The following SP4 variants were observed in gnomAD, a reference collection of about 807,000 sequenced individuals.
SP4 encodes transcription factor Sp4.
Under a neutral mutation model 72.8 loss-of-function variants are expected in SP4, and 19 were observed. The observed-to-expected ratio is 0.26, with a 90% CI of 0.18 to 0.38. SP4 has a LOEUF of 0.38. Ranked by LOEUF, SP4 falls within the 10% of genes least tolerant of loss-of-function variation. SP4 has a pLI of 1.00. For synonymous variants in SP4, 395 were observed against 333.1 expected (o/e 1.19, Z -2.02); for missense variants, 1,008 against 926.3 (o/e 1.09, Z -1.14).
At chr7:21,445,172 T>A (rs973257555) in intron 3 of SP4, among the ~76,000 whole-genome samples, 4 of 152,150 alleles carry the variant, frequency 2.6e-5, no homozygotes, top group Non-Finnish European at 5.9e-5. Context: ...TTTTTCCCTT[T>A]CTTTTATTTT....
chr7:21,446,547 G>A (rs1237783387), intron 3 of SP4, among the ~76,000 whole-genome samples: 1 of 152,040 alleles, frequency 6.6e-6, no homozygotes. Flanking sequence ...CTTTTGTACA[G>A]TGAATGTATG....
chr7:21,488,125 G>A (rs1238499204), intron 5 of SP4, among the ~76,000 whole-genome samples: 2 of 152,222 alleles, frequency 1.3e-5, no homozygotes, highest in Non-Finnish European at 2.9e-5. Flanking sequence ...TCAGCCTCCT[G>A]GAGTGTTGGG....
chr7:21,460,889 A>G (rs149562962), intron 3 of SP4, among the ~76,000 whole-genome samples: 3,343 of 152,300 alleles, frequency 0.022, 48 homozygotes, highest in African/African-American at 0.04. Context: ...AGCTAGACAC[A>G]GAGTGCCGAT....
At chr7:21,480,661 C>A (rs965576445) in intron 4 of SP4, among the ~76,000 whole-genome samples, 1 of 152,116 alleles carries the variant, frequency 6.6e-6, no homozygotes, top group Non-Finnish European at 1.5e-5. Context: ...GTTTACTTTT[C>A]CCAAGAATCT....
At position 21,511,045 on chromosome 7, in the gene SP4, G is replaced by C; in HGVS notation, c.2131G>C (p.Glu711Gln). Residue 711 changes from glutamate (E) to glutamine (Q), a missense_variant, in exon 6 of 6, where the codon GAA becomes CAA. Physicochemically the swap from Glu to Gln is conservative, Grantham distance 29. Around this residue, in one of 3 missense-constraint regions of SP4, gnomAD observed 48 missense variants for 117.0 expected, o/e 0.41. Coordinates refer to ENST00000222584, the MANE Select transcript of SP4 (RefSeq NM_003112.5). ...AGGTGAAAAGAGATTTGAATGCCCG[G>C]AATGTTCTAAAAGGTTTATGCGGAG... ...HTGEKRFECP[E>Q]CSKRFMRSDH... The C allele has an allele frequency of 6.2e-7, 1 of 1,609,692 alleles. No homozygotes were observed. The highest frequency in any genetic ancestry group is 8.5e-7 in the Non-Finnish European group (1 of 1,176,702).
At chr7:21,428,591 G>A in intron 1 of SP4, 86 bp from the exon 2 acceptor site, 1 of 1,316,248 alleles carries the variant, frequency 7.6e-7, no homozygotes, top group Admixed American at 2.4e-5. Context: ...TCGGGGGGAG[G>A]GGGGAGAAGA....
chr7:21,438,629 G>C (rs1783128430), intron 3 of SP4, among the ~76,000 whole-genome samples: 1 of 152,022 alleles, frequency 6.6e-6, no homozygotes, highest in Non-Finnish European at 1.5e-5. Context: ...CGGTATAGTA[G>C]TCTCCTCTTA....
intron 3 of SP4, among the ~76,000 whole-genome samples, chr7:21,444,949 C>G (rs902763092): frequency 6.6e-6 from 1 of 152,078 alleles, no homozygotes; most frequent in Non-Finnish European, 1.5e-5. Context: ...GCTGAGTGCT[C>G]CACTCCTTGT....
chr7:21,459,819 C>G (rs1783896433), intron 3 of SP4, among the ~76,000 whole-genome samples: 1 of 152,144 alleles, frequency 6.6e-6, no homozygotes, highest in South Asian at 2.1e-4. Context: ...GGACTTATTC[C>G]TTAAATTCCT....
intron 5 of SP4, among the ~76,000 whole-genome samples, chr7:21,499,265 C>A (rs1377597235): frequency 6.6e-6 from 1 of 152,008 alleles, no homozygotes; most frequent in East Asian, 1.9e-4. Flanking sequence ...AAAAATGTCC[C>A]TTTAGTGGGT....
intron 5 of SP4, among the ~76,000 whole-genome samples, chr7:21,501,842 C>G (rs1435594851): frequency 6.6e-6 from 1 of 152,182 alleles, no homozygotes; most frequent in Non-Finnish European, 1.5e-5. Flanking sequence ...TAGCGCAAGC[C>G]TGTTTTCCCA....
At chr7:21,467,820 A>T (rs374281176) in intron 3 of SP4, among the ~76,000 whole-genome samples, 124 of 150,442 alleles carry the variant, frequency 8.2e-4, no homozygotes, top group Middle Eastern at 3.5e-3. Flanking sequence ...GTTTTGTATC[A>T]TAGAAATCAA....
intron 5 of SP4, among the ~76,000 whole-genome samples, chr7:21,510,639 G>A (rs1782117798): frequency 6.6e-6 from 1 of 152,172 alleles, no homozygotes; most frequent in Non-Finnish European, 1.5e-5. Flanking sequence ...ACCCAGGTTA[G>A]CAGTTTTGAA....
intron 3 of SP4, among the ~76,000 whole-genome samples, chr7:21,468,021 C>T (rs188097190): frequency 6.6e-6 from 1 of 152,076 alleles, no homozygotes; most frequent in Admixed American, 6.5e-5. Context: ...TTCAAATTTG[C>T]GGATCTGTCT....
intron 3 of SP4, among the ~76,000 whole-genome samples, chr7:21,438,597 T>C (rs921650040): frequency 6.6e-6 from 1 of 152,250 alleles, no homozygotes; most frequent in South Asian, 2.1e-4. Context: ...GACACTGAAT[T>C]TGTAGTTACG....
At chr7:21,471,056 ATAT>A in intron 3 of SP4, 1 of 534,758 alleles carries the variant, frequency 1.9e-6, no homozygotes, top group Non-Finnish European at 3.8e-6. Context: ...GATTCCAGCT[ATAT>A]TATTCAAATG....
rs1377747675 is a variant in SP4 at position 21,511,069 on chromosome 7, A to C, written c.2155A>C (p.Ser719Arg). ...CPECSKRFMR[S>R]DHLSKHVKTH... ...GGAATGTTCTAAAAGGTTTATGCGG[A>C]GTGATCATCTCTCCAAACATGTCAA... Residue 719 changes from serine to arginine, a missense_variant, in exon 6 of 6, where the codon AGT becomes CGT. Around this residue, in one of 3 missense-constraint regions of SP4, gnomAD observed 48 missense variants for 117.0 expected, o/e 0.41. Coordinates refer to ENST00000222584, the MANE Select transcript of SP4 (RefSeq NM_003112.5). 6.2e-7 allele frequency: 1 copy of C among 1,614,134 alleles called. No homozygotes were observed. Among genetic ancestry groups the C allele is most frequent in the Non-Finnish European group, 8.5e-7 (1 of 1,179,966 alleles).
intron 3 of SP4, among the ~76,000 whole-genome samples, chr7:21,431,266 T>C (rs567532393): frequency 6.3e-4 from 96 of 152,214 alleles, no homozygotes; most frequent in African/African-American, 2.2e-3. Context: ...TTTAATTCTG[T>C]GGTGTAATAA....
chr7:21,486,670 A>T (rs1209030530), intron 5 of SP4, among the ~76,000 whole-genome samples: 3 of 152,162 alleles, frequency 2.0e-5, no homozygotes, highest in Non-Finnish European at 4.4e-5. Flanking sequence ...TAATGTGATT[A>T]TCTCATTATT....
Sources: gnomAD v4.1 joint callset for allele counts (sites outside exome capture counted in the v4.1 genomes callset) on GRCh38, gnomAD v4.1.1 for gene constraint, gnomAD v4.1.1 regional missense constraint, MANE v1.5 for transcripts, NCBI Gene and HGNC (gene_info 2026-07-23, HGNC 2026-07-21) for gene names.